The following WDFY2 variants were observed in gnomAD, a reference collection of about 807,000 sequenced individuals.
The protein encoded by WDFY2 is WD repeat and FYVE domain containing 2.
A neutral mutation model predicts 56.4 loss-of-function variants in WDFY2; 36 were observed. The ratio of observed to expected loss-of-function variants is 0.64; its 90% confidence interval spans 0.49 to 0.84. WDFY2 has a LOEUF of 0.84. Among genes scored for constraint, WDFY2 ranks in the 40% least tolerant of loss-of-function variants. The probability of loss-of-function intolerance (pLI) is 0.00; values close to 1 mark genes in which losing one functional copy is unlikely to be tolerated. For missense variants in WDFY2, 444 were observed against 512.2 expected (o/e 0.87, Z 1.29); for synonymous variants, 176 against 183.7 (o/e 0.96, Z 0.34).
chr13:51,731,305 G>T, intron 6 of WDFY2, among the ~76,000 whole-genome samples: 1 of 152,222 alleles, frequency 6.6e-6, no homozygotes, highest in East Asian at 1.9e-4. Flanking sequence ...AAAAGAGACA[G>T]TAGCACCTTC....
chr13:51,624,367 A>G (rs1301236491), intron 1 of WDFY2, among the ~76,000 whole-genome samples: 2 of 152,072 alleles, frequency 1.3e-5, no homozygotes, highest in South Asian at 2.1e-4. Flanking sequence ...TGTTCCATTC[A>G]TTGCTGGAAG....
At chr13:51,706,468 A>G (rs1396074977) in intron 4 of WDFY2, among the ~76,000 whole-genome samples, 1 of 152,208 alleles carries the variant, frequency 6.6e-6, no homozygotes, top group Non-Finnish European at 1.5e-5. Flanking sequence ...AAAAGGCTGA[A>G]TCTCATAAAG....
Position 51,719,236 on chromosome 13 carries a change from G to C in WDFY2, c.373G>C (p.Glu125Gln). Residue 125 changes from glutamate (E) to glutamine (Q), a missense_variant, in exon 5 of 12, where the codon GAG becomes CAG. Glu to Gln is a conservative substitution (Grantham distance 29). Transcript: ENST00000298125. ...AGTGACGATGATCCTGTTTGTCCTG[G>C]AGCTGGAGTGGGTGCTGAGCACAGG... ...SRVTMILFVL[E>Q]LEWVLSTGQD... 1 of 1,614,190 alleles carries C rather than the reference G, an allele frequency of 6.2e-7. No homozygotes were observed. Among genetic ancestry groups the C allele is most frequent in the South Asian group, 1.1e-5 (1 of 91,080 alleles).
chr13:51,619,314 A>G (rs1237327985), intron 1 of WDFY2, among the ~76,000 whole-genome samples: 1 of 152,016 alleles, frequency 6.6e-6, no homozygotes, highest in Non-Finnish European at 1.5e-5. Flanking sequence ...ACAACAAAAA[A>G]TTAGCTGGGC....
chr13:51,624,491 G>A (rs1954804262), intron 1 of WDFY2, among the ~76,000 whole-genome samples: 1 of 152,132 alleles, frequency 6.6e-6, no homozygotes, highest in South Asian at 2.1e-4. Flanking sequence ...TTGAGCCCCT[G>A]ACTCTGCACC....
chr13:51,627,584 A>G (rs985592551), intron 1 of WDFY2, among the ~76,000 whole-genome samples: 7 of 151,590 alleles, frequency 4.6e-5, no homozygotes, highest in Non-Finnish European at 7.4e-5. Flanking sequence ...TGGTTTCACC[A>G]TGTTGGCCAG....
intron 3 of WDFY2, among the ~76,000 whole-genome samples, chr13:51,682,286 T>C (rs1171272426): frequency 6.6e-6 from 1 of 152,204 alleles, no homozygotes; most frequent in African/African-American, 2.4e-5. Flanking sequence ...CAAGTTACTT[T>C]CCCTTTGTCC....
rs115009504 is a variant in WDFY2, at chr13:51,663,067, C to T, written c.205+2404C>T. On this transcript the variant is annotated intron_variant, in intron 2 of 11. Coordinates refer to ENST00000298125, the MANE Select transcript of WDFY2 (RefSeq NM_052950.4). Reference sequence around the variant, plus strand: ...ATCCCAGTGTTGTAGGAGGCCAAGGCGGGAGGATTTTTTGAGGCCAGGAGT... The same window carrying T: ...ATCCCAGTGTTGTAGGAGGCCAAGGTGGGAGGATTTTTTGAGGCCAGGAGT... Among the ~76,000 whole-genome samples the T allele has an allele frequency of 5.1e-3, 773 of 152,046 alleles. 4 individuals are homozygous for T. Among genetic ancestry groups the T allele is most frequent in the African/African-American group, 0.016 (679 of 41,482 alleles).
chr13:51,752,277 A>T (rs1471777109), intron 8 of WDFY2, among the ~76,000 whole-genome samples: 1 of 152,198 alleles, frequency 6.6e-6, no homozygotes, highest in Non-Finnish European at 1.5e-5. Flanking sequence ...ATTTGCTCAG[A>T]TCTTAAGTCC....
At chr13:51,676,317 G>A (rs1205411710) in intron 3 of WDFY2, among the ~76,000 whole-genome samples, 2 of 152,172 alleles carry the variant, frequency 1.3e-5, no homozygotes, top group Non-Finnish European at 2.9e-5. Context: ...TCAAGGTCTT[G>A]ACAAAACTGG....
At chr13:51,610,422 G>T (rs1433216750) in intron 1 of WDFY2, among the ~76,000 whole-genome samples, 1 of 152,068 alleles carries the variant, frequency 6.6e-6, no homozygotes, top group Non-Finnish European at 1.5e-5. Context: ...TGAATTTGTT[G>T]TATGAATTTT....
chr13:51,683,581 T>C (rs988316882), intron 3 of WDFY2, among the ~76,000 whole-genome samples: 3 of 152,204 alleles, frequency 2.0e-5, no homozygotes, highest in Non-Finnish European at 2.9e-5. Flanking sequence ...TCATGAAATA[T>C]ATCTTCCAGG....
chr13:51,713,245 T>C (rs901754213), intron 4 of WDFY2, among the ~76,000 whole-genome samples: 3 of 152,192 alleles, frequency 2.0e-5, no homozygotes, highest in African/African-American at 7.2e-5. Flanking sequence ...GTGGATAAAA[T>C]CCAGCAATAT....
chr13:51,638,182 C>A (rs1006575034), intron 1 of WDFY2, among the ~76,000 whole-genome samples: 37 of 152,152 alleles, frequency 2.4e-4, no homozygotes, highest in African/African-American at 8.7e-4. Context: ...GTCCTCAAAT[C>A]TTTGAAGGTT....
chr13:51,610,040 G>A (rs763702295), intron 1 of WDFY2, among the ~76,000 whole-genome samples: 11 of 152,086 alleles, frequency 7.2e-5, no homozygotes, highest in East Asian at 1.9e-4. Context: ...AGAGGGTAGC[G>A]CTGAAAAAGG....
At chr13:51,669,901 T>C (rs1333213930) in intron 2 of WDFY2, among the ~76,000 whole-genome samples, 1 of 152,214 alleles carries the variant, frequency 6.6e-6, no homozygotes, top group Non-Finnish European at 1.5e-5. Context: ...TGTATCATGC[T>C]ATATTTATTT....
intron 7 of WDFY2, among the ~76,000 whole-genome samples, chr13:51,748,908 T>C (rs1953163876): frequency 6.6e-6 from 1 of 152,226 alleles, no homozygotes; most frequent in Admixed American, 6.5e-5. Context: ...TTCTCTTTCA[T>C]ATTCCAGAAC....
rs147518420 is a variant in WDFY2, at chr13:51,699,726, G to T, written c.280-3870G>T. ...GAAAATAAGCTGTCAAATGAAGATGGGGGTAGGTGAGAGAGTGCATGGCTG... is the reference window on the plus strand; with the variant it reads ...GAAAATAAGCTGTCAAATGAAGATGTGGGTAGGTGAGAGAGTGCATGGCTG... On this transcript the variant is annotated intron_variant, in intron 3 of 11. Coordinates refer to ENST00000298125, the MANE Select transcript of WDFY2 (RefSeq NM_052950.4). 2.4e-4 allele frequency among the ~76,000 whole-genome samples: 36 copies of T among 152,310 alleles called. No individual in the cohort carries two copies. The East Asian group carries it at 5.2e-3, about 22-fold the overall frequency.
At chr13:51,622,258 A>C (rs1206159520) in intron 1 of WDFY2, among the ~76,000 whole-genome samples, 1 of 152,338 alleles carries the variant, frequency 6.6e-6, no homozygotes, top group East Asian at 1.9e-4. Flanking sequence ...TAAGTGGAGC[A>C]GTTGACATTC....
Sources: allele counts gnomAD v4.1 joint callset (sites outside exome capture counted in the v4.1 genomes callset), GRCh38; gene constraint gnomAD v4.1.1; transcripts MANE v1.5; gene names NCBI Gene and HGNC (gene_info 2026-07-23, HGNC 2026-07-21).